Variants in GPHN observed in about 807,000 individuals in gnomAD.
GPHN encodes gephyrin.
GPHN carries 17 observed loss-of-function variants against 95.5 expected under a neutral mutation model. The observed-to-expected ratio is 0.18, with a 90% CI of 0.12 to 0.27. GPHN has a LOEUF of 0.27. Among genes scored for constraint, GPHN ranks in the 10% least tolerant of loss-of-function variants. The pLI is 1.00. For missense variants in GPHN, 660 were observed against 978.1 expected (o/e 0.67, Z 4.34); for synonymous variants, 320 against 322.5 (o/e 0.99, Z 0.08).
the GPHN span, among the ~76,000 whole-genome samples, chr14:67,232,109 G>T: frequency 6.6e-6 from 1 of 152,042 alleles, no homozygotes; most frequent in South Asian, 2.1e-4. Flanking sequence ...GCTTCCTTTG[G>T]GTACAGATTG....
intron 17 of GPHN, among the ~76,000 whole-genome samples, chr14:67,142,435 C>A (rs1045518955): frequency 3.3e-5 from 5 of 152,176 alleles, no homozygotes; most frequent in African/African-American, 1.2e-4. Context: ...TTCTGACACC[C>A]AAAGATAAGA....
the GPHN span, among the ~76,000 whole-genome samples, chr14:67,628,370 G>A: frequency 6.6e-6 from 1 of 152,198 alleles, no homozygotes; most frequent in Non-Finnish European, 1.5e-5. Context: ...GATTACAGAT[G>A]TGCACCACTG....
chr14:66,902,120 A>G (rs1596322630), intron 5 of GPHN, among the ~76,000 whole-genome samples: 2 of 151,966 alleles, frequency 1.3e-5, no homozygotes, highest in African/African-American at 2.4e-5. Flanking sequence ...GTTATTTTAT[A>G]TCTTTGGAGA....
the GPHN span, chr14:67,649,716 G>C: frequency 6.6e-6 from 1 of 152,086 alleles, no homozygotes; most frequent in Non-Finnish European, 1.5e-5. Context: ...GATGCTGAAC[G>C]GACATGATGG....
intron 2 of GPHN, among the ~76,000 whole-genome samples, chr14:66,769,718 T>A (rs188394755): frequency 1.3e-5 from 2 of 152,144 alleles, no homozygotes; most frequent in Admixed American, 1.3e-4. Context: ...TTTTCTTTAT[T>A]CAGTCTACCA....
chr14:66,819,656 C>A (rs927113602), intron 3 of GPHN, among the ~76,000 whole-genome samples: 1 of 151,384 alleles, frequency 6.6e-6, no homozygotes, highest in African/African-American at 2.4e-5. Flanking sequence ...TGCTTAGGAC[C>A]ACGTTGGCTA....
chr14:67,375,528 T>C, the GPHN span, among the ~76,000 whole-genome samples: 1 of 113,540 alleles, frequency 8.8e-6, no homozygotes, highest in African/African-American at 5.1e-5. Context: ...AGATAAAATA[T>C]CAAAAAAAAA....
chr14:67,007,985 A>G (rs930827723), intron 9 of GPHN, among the ~76,000 whole-genome samples: 1 of 152,222 alleles, frequency 6.6e-6, no homozygotes. Flanking sequence ...CATTGTAAGT[A>G]GTTGCAGAAC....
At chr14:67,692,572 C>A in the GPHN span, 1 of 1,599,332 alleles carries the variant, frequency 6.3e-7, no homozygotes, top group African/African-American at 1.3e-5. Flanking sequence ...CACATCCCGG[C>A]AAGCTAAATA....
the GPHN span, among the ~76,000 whole-genome samples, chr14:67,694,431 A>AATATATAT: frequency 1.4e-5 from 2 of 140,100 alleles, no homozygotes; most frequent in South Asian, 2.3e-4. Context: ...CAGCTCCTGG[A>AATATATAT]ATATATATAT....
intron 17 of GPHN, among the ~76,000 whole-genome samples, chr14:67,135,592 A>G (rs1453915991): frequency 6.6e-6 from 1 of 152,114 alleles, no homozygotes; most frequent in African/African-American, 2.4e-5. Flanking sequence ...TAGTAACCCA[A>G]TCTTCCTATT....
At chr14:67,226,915 C>G in the GPHN span, among the ~76,000 whole-genome samples, 208 of 152,230 alleles carry the variant, frequency 1.4e-3, no homozygotes, top group African/African-American at 4.8e-3. Context: ...CACGTGCTGG[C>G]TCCTACATCC....
the GPHN span, among the ~76,000 whole-genome samples, chr14:67,190,483 A>G: frequency 6.6e-6 from 1 of 152,228 alleles, no homozygotes; most frequent in Non-Finnish European, 1.5e-5. Context: ...TTGGCCTCCC[A>G]AAGTTCTGGG....
At chr14:67,052,333 T>C (rs2075343569) in intron 10 of GPHN, among the ~76,000 whole-genome samples, 3 of 147,058 alleles carry the variant, frequency 2.0e-5, no homozygotes, top group South Asian at 4.2e-4. Flanking sequence ...AAAACAGACA[T>C]TAAACCAAAA....
the GPHN span, among the ~76,000 whole-genome samples, chr14:67,680,855 A>G: frequency 6.6e-6 from 1 of 152,248 alleles, no homozygotes. Flanking sequence ...GGTAAAAGAT[A>G]AACTAATTTC....
At chr14:67,190,922 G>A in the GPHN span, among the ~76,000 whole-genome samples, 1 of 152,208 alleles carries the variant, frequency 6.6e-6, no homozygotes, top group East Asian at 1.9e-4. Flanking sequence ...TGAGTGACAG[G>A]TAAATGCTGT....
intron 1 of GPHN, among the ~76,000 whole-genome samples, chr14:66,539,500 C>T (rs961254156): frequency 6.7e-6 from 1 of 150,262 alleles, no homozygotes; most frequent in African/African-American, 2.5e-5. Flanking sequence ...CTGCAACCTC[C>T]GCCTCCCGGG....
At chr14:66,890,639 A>G (rs944652802) in intron 5 of GPHN, among the ~76,000 whole-genome samples, 4 of 152,272 alleles carry the variant, frequency 2.6e-5, no homozygotes, top group East Asian at 3.9e-4. Flanking sequence ...CTGCAGGCCA[A>G]TATCCCTTAA....
At chr14:66,973,978 A>G (rs2070014946) in intron 9 of GPHN, among the ~76,000 whole-genome samples, 1 of 152,188 alleles carries the variant, frequency 6.6e-6, no homozygotes, top group South Asian at 2.1e-4. Context: ...CTCAGCTAAT[A>G]TTCTTTAGAC....
Sources: gnomAD v4.1 joint callset for allele counts (sites outside exome capture counted in the v4.1 genomes callset) on GRCh38, gnomAD v4.1.1 for gene constraint, MANE v1.5 for transcripts, NCBI Gene and HGNC (gene_info 2026-07-23, HGNC 2026-07-21) for gene names.